Variants in ZNF474 observed in about 807,000 individuals in gnomAD.
The protein encoded by ZNF474 is 4933409D10Rik.
For missense variants in ZNF474, 511 were observed against 433.8 expected (o/e 1.18, Z -1.58); for synonymous variants, 192 against 162.2 (o/e 1.18, Z -1.39).
intron 1 of ZNF474, among the ~76,000 whole-genome samples, chr5:122,147,315 T>G (rs954884123): frequency 5.3e-5 from 8 of 152,206 alleles, no homozygotes; most frequent in Non-Finnish European, 1.0e-4. Context: ...AGAATTTGAA[T>G]TCAATACTAA....
chr5:122,136,941 T>C (rs138033712), intron 1 of ZNF474, among the ~76,000 whole-genome samples: 92 of 152,332 alleles, frequency 6.0e-4, no homozygotes, highest in African/African-American at 2.2e-3. Flanking sequence ...GTGCTGGTGA[T>C]ATAACTATGT....
intron 1 of ZNF474, among the ~76,000 whole-genome samples, chr5:122,145,090 T>G (rs1445620221): frequency 1.3e-5 from 2 of 152,238 alleles, no homozygotes; most frequent in Non-Finnish European, 2.9e-5. Context: ...CATAGACTAT[T>G]ATGTTCATAC....
In ZNF474 at chr5:122,152,219, A is replaced by G; in HGVS notation, c.229A>G (p.Ile77Val). The G allele has an allele frequency of 6.2e-7, 1 of 1,614,170 alleles. No individual in the cohort carries two copies. The highest frequency in any genetic ancestry group is 8.5e-7 in the Non-Finnish European group (1 of 1,180,042). The change falls in exon 2 of 2, where the codon ATA (isoleucine) becomes GTA (valine). Residue 77 changes from isoleucine (I) to valine (V), a missense_variant. Transcript: ENST00000296600. Reference sequence around the variant, plus strand: ...ATCAAAACTGTCAAGTAGAAGAATTATATCGGAAAGCCAGCTTAGCCCCCC... The same window carrying G: ...ATCAAAACTGTCAAGTAGAAGAATTGTATCGGAAAGCCAGCTTAGCCCCCC... ...ILSKLSSRRIISESQLSPPVI... is the reference protein window; with the variant it reads ...ILSKLSSRRIVSESQLSPPVI...
At chr5:122,137,446 C>CAAAAAAAA (rs1166694085) in intron 1 of ZNF474, among the ~76,000 whole-genome samples, 1 of 11,614 alleles carries the variant, frequency 8.6e-5, no homozygotes, top group Non-Finnish European at 2.5e-4. Flanking sequence ...GACTCTGTCT[C>CAAAAAAAA]AAAAAAAAAA....
intron 1 of ZNF474, among the ~76,000 whole-genome samples, chr5:122,150,048 T>C (rs1445365020): frequency 1.3e-5 from 2 of 152,176 alleles, no homozygotes; most frequent in Non-Finnish European, 2.9e-5. Flanking sequence ...TAAGTCATAT[T>C]AGTGTCTGCA....
In ZNF474 at chr5:122,153,494, T is replaced by A; in HGVS notation, c.*409T>A. The A allele has an allele frequency of 5.5e-6, 1 of 182,376 alleles. No homozygotes were observed. Among genetic ancestry groups the A allele is most frequent in the Non-Finnish European group, 1.3e-5 (1 of 78,344 alleles). 11.3% of individuals were successfully genotyped at this position (182,376 alleles called of 1,614,324 possible). A position where few individuals can be genotyped will look rare whatever the true frequency, so the allele number is the denominator to read the frequency against. The stretch of plus-strand genomic sequence containing the variant: ...AATGCTGGGTTATGCTGAGTTTATC[T>A]TACTAAAATAGAATCTGTGTCAAAA... On this transcript the variant is annotated 3_prime_UTR_variant, in exon 2 of 2. Transcript: ENST00000296600.
intron 1 of ZNF474, among the ~76,000 whole-genome samples, chr5:122,151,205 G>A (rs1383795770): frequency 6.6e-6 from 1 of 152,076 alleles, no homozygotes; most frequent in Non-Finnish European, 1.5e-5. Flanking sequence ...AGAAACAGTT[G>A]ACAAATTATT....
chr5:122,137,783 G>A (rs143471033), intron 1 of ZNF474, among the ~76,000 whole-genome samples: 2 of 152,168 alleles, frequency 1.3e-5, no homozygotes, highest in South Asian at 4.1e-4. Context: ...TTTATTTTGA[G>A]AGTAGTGGGA....
chr5:122,137,278 T>G (rs1230996398), intron 1 of ZNF474, among the ~76,000 whole-genome samples: 1 of 151,324 alleles, frequency 6.6e-6, no homozygotes, highest in African/African-American at 2.4e-5. Flanking sequence ...CAGTAGCCCA[T>G]CTCTACTAAA....
Position 122,151,911 on chromosome 5 carries a change from C to A in ZNF474, c.-80C>A. ...GTGAACCCCAGGACAACTAACCTCA[C>A]TAACCTTCACTCTAAGCAGAAGCCC... On this transcript the variant is annotated 5_prime_UTR_variant, in exon 2 of 2. Coordinates refer to ENST00000296600, the MANE Select transcript of ZNF474 (RefSeq NM_207317.3). 2 of 1,516,212 alleles carry A rather than the reference C, an allele frequency of 1.3e-6. No homozygotes were observed. Among genetic ancestry groups the A allele is most frequent in the East Asian group, 2.2e-5 (1 of 44,472 alleles). 93.9% of individuals were successfully genotyped at this position (1,516,212 alleles called of 1,614,324 possible).
intron 1 of ZNF474, among the ~76,000 whole-genome samples, chr5:122,146,929 T>G (rs972229104): frequency 2.6e-5 from 4 of 152,218 alleles, no homozygotes; most frequent in African/African-American, 9.7e-5. Flanking sequence ...TTCTTACAAG[T>G]TCCACACAAT....
At chr5:122,132,698 C>T (rs1417107775) in intron 1 of ZNF474, among the ~76,000 whole-genome samples, 1 of 151,994 alleles carries the variant, frequency 6.6e-6, no homozygotes, top group Non-Finnish European at 1.5e-5. Context: ...TATTTTCTCC[C>T]TATGTGCATC....
chr5:122,147,483 T>C (rs1439406294), intron 1 of ZNF474, among the ~76,000 whole-genome samples: 2 of 152,162 alleles, frequency 1.3e-5, no homozygotes. Flanking sequence ...CATTAAATCA[T>C]CACTTACATT....
At chr5:122,148,862 G>A (rs886359495) in intron 1 of ZNF474, among the ~76,000 whole-genome samples, 1 of 151,638 alleles carries the variant, frequency 6.6e-6, no homozygotes, top group Non-Finnish European at 1.5e-5. Flanking sequence ...TCAGCCTCCT[G>A]AGTAGCTGGG....
At chr5:122,148,357 T>C (rs1047797733) in intron 1 of ZNF474, among the ~76,000 whole-genome samples, 19 of 152,202 alleles carry the variant, frequency 1.2e-4, no homozygotes, top group African/African-American at 4.3e-4. Context: ...AAAGGGATGG[T>C]AGAAAAAGAA....
intron 1 of ZNF474, among the ~76,000 whole-genome samples, chr5:122,134,574 A>G (rs1410253138): frequency 6.6e-6 from 1 of 152,210 alleles, no homozygotes; most frequent in Non-Finnish European, 1.5e-5. Flanking sequence ...ATGAATAAAC[A>G]TGGCTGTATT....
chr5:122,143,413 G>A (rs1755900397), intron 1 of ZNF474, among the ~76,000 whole-genome samples: 1 of 152,030 alleles, frequency 6.6e-6, no homozygotes, highest in Non-Finnish European at 1.5e-5. Context: ...CACATGATGG[G>A]GGCTGGCAAA....
At chr5:122,142,009 A>C (rs545426661) in intron 1 of ZNF474, among the ~76,000 whole-genome samples, 51 of 152,326 alleles carry the variant, frequency 3.3e-4, no homozygotes, top group African/African-American at 1.2e-3. Context: ...TTAAGATATA[A>C]GCCACATTTT....
At chr5:122,131,928 G>T (rs1755587547) in intron 1 of ZNF474, among the ~76,000 whole-genome samples, 3 of 151,946 alleles carry the variant, frequency 2.0e-5, no homozygotes, top group Admixed American at 2.0e-4. Context: ...TTTGACAAAT[G>T]ATTATATCCA....
Sources: gnomAD v4.1 joint callset for allele counts (sites outside exome capture counted in the v4.1 genomes callset) on GRCh38, gnomAD v4.1.1 for gene constraint, MANE v1.5 for transcripts, NCBI Gene and HGNC (gene_info 2026-07-23, HGNC 2026-07-21) for gene names.